GSE1: variants seen among roughly 807,000 people sequenced by gnomAD.
GSE1 encodes genetic suppressor element 1.
In GSE1, 32 loss-of-function variants were observed where a neutral mutation model predicts 112.6. The ratio of observed to expected loss-of-function variants is 0.28; its 90% CI spans 0.21 to 0.38. The LOEUF (loss-of-function observed/expected upper bound fraction) is 0.38. Ranked by LOEUF, GSE1 falls within the 10% of genes least tolerant of loss-of-function variation. The probability of loss-of-function intolerance (pLI) is 1.00; values close to 1 mark genes in which losing one functional copy is unlikely to be tolerated. For synonymous variants in GSE1, 1,115 were observed against 735.6 expected (o/e 1.52, Z -8.35); for missense variants, 2,348 against 1,699.2 (o/e 1.38, Z -6.71).
intron 2 of GSE1, among the ~76,000 whole-genome samples, chr16:85,401,104 G>A (rs1459909754): frequency 2.0e-5 from 3 of 152,284 alleles, no homozygotes; most frequent in African/African-American, 4.8e-5. Flanking sequence ...GCTGGGGTCC[G>A]CAGCTTGGGC....
chr16:85,544,241 C>G (rs757700869), intron 2 of GSE1, among the ~76,000 whole-genome samples: 1 of 152,164 alleles, frequency 6.6e-6, no homozygotes, highest in Non-Finnish European at 1.5e-5. Context: ...GTCCCCGCAG[C>G]GAAGAATCAT....
intron 1 of GSE1, among the ~76,000 whole-genome samples, chr16:85,353,944 C>T (rs1049574218): frequency 3.3e-5 from 5 of 152,224 alleles, no homozygotes; most frequent in Admixed American, 6.5e-5. Context: ...GCTGCCTGGT[C>T]GGCTCCGTGT....
intron 1 of GSE1, among the ~76,000 whole-genome samples, chr16:85,246,244 C>CACAA (rs1407133059): frequency 3.7e-5 from 5 of 133,718 alleles, no homozygotes; most frequent in Non-Finnish European, 6.4e-5. Flanking sequence ...CACACGCACA[C>CACAA]CACACGCTGT....
chr16:85,413,054 G>T (rs955748915), intron 2 of GSE1, among the ~76,000 whole-genome samples: 2 of 152,194 alleles, frequency 1.3e-5, no homozygotes, highest in African/African-American at 4.8e-5. Flanking sequence ...GCTGCTGCTG[G>T]AGGGGCCGCC....
At position 85,634,128 on chromosome 16, in the gene GSE1, C is replaced by A. The variant is rs1380838562; in HGVS notation, c.222C>A (p.Pro74=). The part of the protein sequence containing the change: ...LRKLAKQAEE[P]RGSSLSSESS... ...AGCTCGCCAAACAGGCGGAGGAGCC[C>A]AGAGGTAAGGGGGCCCGCCAGGCTG... The change falls in exon 2 of 16, where the codon CCC becomes CCA. Residue 74 remains proline (P), a synonymous_variant. Transcript: ENST00000253458. 1 of 1,509,502 alleles carries A rather than the reference C, an allele frequency of 6.6e-7. No homozygotes were observed. Among genetic ancestry groups the A allele is most frequent in the Non-Finnish European group, 8.8e-7 (1 of 1,135,648 alleles). The allele number at this position is 1,509,502 out of a possible 1,614,324, so 93.5% of individuals were successfully genotyped here.
At chr16:85,530,241 A>G (rs2044095134) in intron 2 of GSE1, among the ~76,000 whole-genome samples, 1 of 152,080 alleles carries the variant, frequency 6.6e-6, no homozygotes, top group Non-Finnish European at 1.5e-5. Flanking sequence ...ATCTCTCTAA[A>G]ATGGATTATC....
chr16:85,645,598 G>A (rs2050788660), intron 2 of GSE1, among the ~76,000 whole-genome samples: 1 of 152,204 alleles, frequency 6.6e-6, no homozygotes, highest in African/African-American at 2.4e-5. Context: ...ACGCCACTAA[G>A]GCCACTTTGG....
At chr16:85,284,819 T>C (rs2044969891) in intron 1 of GSE1, among the ~76,000 whole-genome samples, 1 of 152,194 alleles carries the variant, frequency 6.6e-6, no homozygotes. Flanking sequence ...GCTGCCGTCC[T>C]GGCAGTCAGT....
At chr16:85,231,439 AATGG>A (rs1597857057) in intron 1 of GSE1, among the ~76,000 whole-genome samples, 4 of 140,870 alleles carry the variant, frequency 2.8e-5, no homozygotes, top group South Asian at 2.4e-4. Context: ...TGGACAGATG[AATGG>A]ATGGATGGAA....
chr16:85,638,449 G>T (rs2050180858), intron 2 of GSE1, among the ~76,000 whole-genome samples: 1 of 152,228 alleles, frequency 6.6e-6, no homozygotes, highest in South Asian at 2.1e-4. Flanking sequence ...GCAGACGCTT[G>T]CGAATCGCCG....
intron 3 of GSE1, among the ~76,000 whole-genome samples, chr16:85,652,567 T>G (rs1313570805): frequency 2.1e-5 from 3 of 140,978 alleles, no homozygotes; most frequent in African/African-American, 7.8e-5. Flanking sequence ...CGGCGGCGGC[T>G]CCTCCAGTTA....
chr16:85,503,376 C>G (rs11860818), intron 2 of GSE1, among the ~76,000 whole-genome samples: 24,806 of 152,160 alleles, frequency 0.16, 2,443 homozygotes, highest in East Asian at 0.32. Flanking sequence ...TCCACCTGCC[C>G]TCAGCTGCCG....
intron 1 of GSE1, chr16:85,594,328 A>C (rs933914025): frequency 6.6e-6 from 1 of 152,108 alleles, no homozygotes; most frequent in Admixed American, 6.5e-5. Context: ...CTCTCCACCG[A>C]AGCCTCCTTT....
chr16:85,654,894 T>A lies in GSE1; in HGVS notation c.700T>A (p.Ser234Thr), dbSNP rs763134404. The A allele has an allele frequency of 6.2e-7, 1 of 1,611,768 alleles. No homozygotes were observed. Among genetic ancestry groups the A allele is most frequent in the Non-Finnish European group, 8.5e-7 (1 of 1,179,492 alleles). The change falls in exon 5 of 16, where the codon TCC (serine) becomes ACC (threonine). Residue 234 changes from serine (S) to threonine (T), a missense_variant. Ser to Thr is a moderately conservative substitution (Grantham distance 58). Transcript: ENST00000253458. ...PYHTTDDLRM[S>T]SLPPLGLDPA... ...CCACACCACCGACGACCTCCGCATG[T>A]CCTCACTGCCTCCCCTCGGCCTGGA... is the stretch of plus-strand genomic sequence containing the variant.
At chr16:85,384,857 G>A (rs540873096) in intron 2 of GSE1, among the ~76,000 whole-genome samples, 9 of 152,322 alleles carry the variant, frequency 5.9e-5, no homozygotes, top group African/African-American at 1.9e-4. Context: ...AGGCCTGTCC[G>A]AGTCTTGCTG....
intron 1 of GSE1, among the ~76,000 whole-genome samples, chr16:85,200,890 T>G (rs149079672): frequency 6.6e-6 from 1 of 152,220 alleles, no homozygotes; most frequent in Non-Finnish European, 1.5e-5. Flanking sequence ...TGAACTCCAC[T>G]TCCTGCAGCC....
intron 2 of GSE1, among the ~76,000 whole-genome samples, chr16:85,426,385 A>G (rs1213964044): frequency 7.2e-6 from 1 of 138,240 alleles, no homozygotes; most frequent in Non-Finnish European, 1.5e-5. Flanking sequence ...TGGATGATAG[A>G]TGGTGGGTGA....
intron 1 of GSE1, among the ~76,000 whole-genome samples, chr16:85,218,284 A>G (rs994544176): frequency 6.6e-6 from 1 of 152,176 alleles, no homozygotes; most frequent in Non-Finnish European, 1.5e-5. Flanking sequence ...TTGGGGGTCC[A>G]GAGCACCAGG....
At chr16:85,427,332 G>A (rs67639245) in intron 2 of GSE1, among the ~76,000 whole-genome samples, 15,418 of 152,212 alleles carry the variant, frequency 0.1, 891 homozygotes, top group African/African-American at 0.16. Context: ...AGAAGAAAGA[G>A]TGAAATTGAT....
Sources: allele counts gnomAD v4.1 joint callset (sites outside exome capture counted in the v4.1 genomes callset), GRCh38; gene constraint gnomAD v4.1.1; transcripts MANE v1.5; gene names NCBI Gene and HGNC (gene_info 2026-07-23, HGNC 2026-07-21).